KLF12: variants seen among roughly 807,000 people sequenced by gnomAD.
KLF12 encodes the protein Krueppel-like factor 12.
Under a neutral mutation model 37.8 loss-of-function variants are expected in KLF12, and 9 were observed. That is an observed-to-expected ratio of 0.24 (90% confidence interval 0.14 to 0.42). The LOEUF (loss-of-function observed/expected upper bound fraction) is 0.42. Ranked by LOEUF, KLF12 falls within the 10% of genes least tolerant of loss-of-function variation. The pLI is 1.00. For synonymous variants in KLF12, 208 were observed against 202.1 expected (o/e 1.03, Z -0.25); for missense variants, 411 against 516.0 (o/e 0.80, Z 1.97).
At chr13:73,753,457 A>C (rs1419689157) in intron 6 of KLF12, among the ~76,000 whole-genome samples, 3 of 152,130 alleles carry the variant, frequency 2.0e-5, no homozygotes. Context: ...TTACATTTTC[A>C]TCAAGGCACT....
At chr13:74,085,870 C>A (rs1875256851) in intron 1 of KLF12, among the ~76,000 whole-genome samples, 1 of 152,078 alleles carries the variant, frequency 6.6e-6, no homozygotes, top group Non-Finnish European at 1.5e-5. Context: ...ATTATCTGCA[C>A]TGGAATAGAG....
the KLF12 span, among the ~76,000 whole-genome samples, chr13:74,283,849 T>C: frequency 6.4e-5 from 9 of 140,526 alleles, no homozygotes; most frequent in Admixed American, 7.3e-4. Context: ...TCCATAAGTA[T>C]GTATAAATCT....
chr13:74,058,025 G>A (rs1241884633), intron 1 of KLF12, among the ~76,000 whole-genome samples: 2 of 150,660 alleles, frequency 1.3e-5, no homozygotes, highest in African/African-American at 4.9e-5. Context: ...CCAGTGCAGT[G>A]GCATGATCTC....
intron 2 of KLF12, among the ~76,000 whole-genome samples, chr13:73,990,011 G>T (rs996055511): frequency 6.6e-6 from 1 of 151,890 alleles, no homozygotes; most frequent in African/African-American, 2.4e-5. Flanking sequence ...TAAAAGAAAC[G>T]AAAATAAGTC....
At chr13:74,014,108 A>G (rs1419060660) in intron 1 of KLF12, among the ~76,000 whole-genome samples, 1 of 152,200 alleles carries the variant, frequency 6.6e-6, no homozygotes, top group African/African-American at 2.4e-5. Context: ...AAAAAATAAC[A>G]TTTTAAAAGA....
rs565116065 is a variant in KLF12, at chr13:73,946,372, G to A, written c.34-2302C>T. On this transcript the variant is annotated intron_variant, in intron 2 of 7. Coordinates refer to ENST00000377669, the MANE Select transcript of KLF12 (RefSeq NM_007249.5). ...ACTTTAACCATTTTCCCCACTGGCT[G>A]TGATAAACTCATTAGTTTAAAAAAT... is the stretch of plus-strand genomic sequence containing the variant. 2.0e-5 allele frequency among the ~76,000 whole-genome samples: 3 copies of A among 152,292 alleles called. No individual in the cohort carries two copies. In the South Asian group the frequency reaches 6.2e-4, roughly 32 times the overall value.
chr13:74,229,161 C>T, the KLF12 span, among the ~76,000 whole-genome samples: 14 of 152,130 alleles, frequency 9.2e-5, no homozygotes, highest in Non-Finnish European at 2.1e-4. Flanking sequence ...ATTATGTTGC[C>T]ATTTCTCTGG....
intron 3 of KLF12, among the ~76,000 whole-genome samples, chr13:73,867,527 T>C (rs1886237197): frequency 6.6e-6 from 1 of 151,566 alleles, no homozygotes; most frequent in Non-Finnish European, 1.5e-5. Context: ...AGCCTACAAA[T>C]ATAGTGTGAG....
At chr13:73,750,652 T>C (rs971707005) in intron 6 of KLF12, among the ~76,000 whole-genome samples, 1 of 152,184 alleles carries the variant, frequency 6.6e-6, no homozygotes, top group Admixed American at 6.5e-5. Context: ...TTTTAAGTTC[T>C]GGGGTACATG....
rs553245872 is a variant in KLF12, at chr13:73,940,694, G to C, written c.123+3287C>G. ...TCACCATGTGCCAGAAACTATAAGA[G>C]ATACAAACCAGAAATATAAGAAATA... On this transcript the variant is annotated intron_variant, in intron 3 of 7. Coordinates refer to ENST00000377669, the MANE Select transcript of KLF12 (RefSeq NM_007249.5). Among the ~76,000 whole-genome samples, 58 of 152,296 alleles carry C rather than the reference G, an allele frequency of 3.8e-4. No homozygotes were observed. In the South Asian group the frequency reaches 7.3e-3, roughly 19 times the overall value.
At position 73,710,378 on chromosome 13, in the gene KLF12, CTGTGTGTG is replaced by C. The variant is rs59799453; in HGVS notation, c.1027+4982_1027+4989del. The stretch of plus-strand genomic sequence containing the variant: ...CTTTATTGCATTTCGAAGATATTGT[CTGTGTGTG>C]TGTGTGTGTGTGTGTGTGTGTGTGT... On this transcript the variant is annotated intron_variant, in intron 7 of 7. Transcript: ENST00000377669. 6.4e-3 allele frequency among the ~76,000 whole-genome samples: 916 copies of C among 143,990 alleles called. 11 individuals are homozygous for C. Among genetic ancestry groups the C allele is most frequent in the Middle Eastern group, 0.017 (5 of 286 alleles). The allele number at this position is 143,990 out of a possible 152,430, so 94.5% of individuals were successfully genotyped here. A position where few individuals can be genotyped will look rare whatever the true frequency, so the allele number is the denominator to read the frequency against.
chr13:74,074,591 C>T (rs1440362291), intron 1 of KLF12, among the ~76,000 whole-genome samples: 2 of 152,104 alleles, frequency 1.3e-5, no homozygotes, highest in African/African-American at 4.8e-5. Flanking sequence ...AAAGGCCCCA[C>T]CTCTTAATAC....
intron 6 of KLF12, among the ~76,000 whole-genome samples, chr13:73,736,962 C>T (rs1455446211): frequency 6.6e-6 from 1 of 152,096 alleles, no homozygotes; most frequent in Non-Finnish European, 1.5e-5. Flanking sequence ...TCTTAATTTG[C>T]AGCTCTCTTC....
chr13:73,920,748 A>ATC (rs372843330), intron 3 of KLF12, among the ~76,000 whole-genome samples: 2,010 of 152,054 alleles, frequency 0.013, 21 homozygotes, highest in Middle Eastern at 0.034. Context: ...CTCAAGAGTC[A>ATC]TCTCTCTCTC....
chr13:74,129,976 T>C (rs188976976), intron 1 of KLF12, among the ~76,000 whole-genome samples: 15 of 152,312 alleles, frequency 9.8e-5, no homozygotes, highest in African/African-American at 3.1e-4. Flanking sequence ...AAATGAATTC[T>C]GGCGGGTGGA....
At chr13:73,938,427 G>A (rs954017644) in intron 3 of KLF12, among the ~76,000 whole-genome samples, 2 of 152,094 alleles carry the variant, frequency 1.3e-5, no homozygotes, top group Non-Finnish European at 2.9e-5. Context: ...TCTTTATTAA[G>A]CCTAACGACT....
At chr13:73,763,552 A>G (rs1879704872) in intron 6 of KLF12, among the ~76,000 whole-genome samples, 1 of 152,234 alleles carries the variant, frequency 6.6e-6, no homozygotes, top group Non-Finnish European at 1.5e-5. Flanking sequence ...GCTATGAATT[A>G]TGCAGGAACA....
the KLF12 span, among the ~76,000 whole-genome samples, chr13:74,167,295 T>G: frequency 6.6e-6 from 1 of 152,208 alleles, no homozygotes; most frequent in Admixed American, 6.5e-5. Context: ...CTGGTATAAC[T>G]CACTTTTTTG....
chr13:73,881,292 T>C (rs1886968070), intron 3 of KLF12, among the ~76,000 whole-genome samples: 1 of 152,124 alleles, frequency 6.6e-6, no homozygotes, highest in Non-Finnish European at 1.5e-5. Context: ...TGAAGTAACA[T>C]TTTTTCTTTT....
Sources: gnomAD v4.1 joint callset for allele counts (sites outside exome capture counted in the v4.1 genomes callset) on GRCh38, gnomAD v4.1.1 for gene constraint, MANE v1.5 for transcripts, NCBI Gene and HGNC (gene_info 2026-07-23, HGNC 2026-07-21) for gene names.